Variants in ALDH1A2 observed in about 807,000 individuals in gnomAD.
ALDH1A2 encodes retinal dehydrogenase 2.
In ALDH1A2, 27 loss-of-function variants were observed where a neutral mutation model predicts 60.3. The ratio of observed to expected loss-of-function variants is 0.45; its 90% confidence interval spans 0.33 to 0.62. The LOEUF (loss-of-function observed/expected upper bound fraction) is 0.62. Among genes scored for constraint, ALDH1A2 ranks in the 20% least tolerant of loss-of-function variants. ALDH1A2 has a pLI of 0.02. For missense variants in ALDH1A2, 581 were observed against 643.8 expected, an observed-to-expected ratio of 0.90 and a Z score of 1.06; for synonymous variants, 289 against 232.4, an observed-to-expected ratio of 1.24 and a Z score of -2.21.
At position 57,989,617 on chromosome 15, in the gene ALDH1A2, C is replaced by G. The variant is rs374585339; in HGVS notation, c.798+3088G>C. On this transcript the variant is annotated intron_variant, in intron 7 of 12. Coordinates refer to ENST00000249750, the MANE Select transcript of ALDH1A2 (RefSeq NM_003888.4). Reference sequence around the variant, plus strand: ...GTATAGTTTGGTGCAAAAGTCATTGCAGTTTTTGCCATTAATCAAATTACT... The same window carrying G: ...GTATAGTTTGGTGCAAAAGTCATTGGAGTTTTTGCCATTAATCAAATTACT... Among the ~76,000 whole-genome samples the G allele has an allele frequency of 2.7e-4, 41 of 152,086 alleles. No homozygotes were observed. In the East Asian group the frequency reaches 2.9e-3, roughly 11 times the overall value.
chr15:57,972,643 C>A (rs1482574126), intron 7 of ALDH1A2, among the ~76,000 whole-genome samples: 1 of 152,040 alleles, frequency 6.6e-6, no homozygotes, highest in African/African-American at 2.4e-5. Flanking sequence ...AGAGACTATA[C>A]CATACTTATT....
chr15:58,038,058 T>C (rs1163690485), intron 1 of ALDH1A2, among the ~76,000 whole-genome samples: 1 of 151,694 alleles, frequency 6.6e-6, no homozygotes, highest in Non-Finnish European at 1.5e-5. Flanking sequence ...TCTACATCTC[T>C]GAAATCATGG....
intron 1 of ALDH1A2, among the ~76,000 whole-genome samples, chr15:58,047,659 A>C (rs1896668419): frequency 6.6e-6 from 1 of 152,024 alleles, no homozygotes; most frequent in Admixed American, 6.6e-5. Context: ...TTTACTTCTA[A>C]TTAAGAGTCT....
At chr15:58,015,008 T>C (rs2140520150) in intron 1 of ALDH1A2, among the ~76,000 whole-genome samples, 1 of 152,290 alleles carries the variant, frequency 6.6e-6, no homozygotes, top group African/African-American at 2.4e-5. Context: ...TCAAGTCAAT[T>C]TCTCACAAGA....
At chr15:58,000,191 C>A (rs1009462612) in intron 4 of ALDH1A2, among the ~76,000 whole-genome samples, 4 of 151,858 alleles carry the variant, frequency 2.6e-5, no homozygotes, top group Admixed American at 1.3e-4. Context: ...CACAGGTAAT[C>A]CAGAACTAAA....
At chr15:57,965,694 G>A in intron 8 of ALDH1A2, 31 bp downstream of exon 8, 1 of 1,473,730 alleles carries the variant, frequency 6.8e-7, no homozygotes, top group Non-Finnish European at 9.5e-7. Context: ...GGTGTGTGGT[G>A]GTTCATGTAT....
intron 1 of ALDH1A2, among the ~76,000 whole-genome samples, chr15:58,030,935 T>C (rs945252532): frequency 1.3e-5 from 2 of 152,056 alleles, no homozygotes; most frequent in Admixed American, 6.5e-5. Context: ...AGAATCAATA[T>C]TGTAAAAATG....
At chr15:58,004,879 C>T (rs1895399698) in intron 4 of ALDH1A2, among the ~76,000 whole-genome samples, 1 of 150,780 alleles carries the variant, frequency 6.6e-6, no homozygotes, top group African/African-American at 2.4e-5. Context: ...TGAAAAAAAT[C>T]ACCGATGACA....
intron 1 of ALDH1A2, among the ~76,000 whole-genome samples, chr15:58,041,769 C>A (rs1247407855): frequency 6.6e-6 from 1 of 151,908 alleles, no homozygotes; most frequent in Non-Finnish European, 1.5e-5. Context: ...CCAAAACTCC[C>A]AGTGGATGCC....
intron 7 of ALDH1A2, among the ~76,000 whole-genome samples, chr15:57,984,179 A>C (rs370593281): frequency 1.4e-4 from 21 of 152,316 alleles, no homozygotes; most frequent in Admixed American, 9.8e-4. Flanking sequence ...ACTAACTAGC[A>C]TGTAACCCTG....
chr15:58,003,106 A>G (rs1265428371), intron 4 of ALDH1A2, among the ~76,000 whole-genome samples: 1 of 151,850 alleles, frequency 6.6e-6, no homozygotes, highest in African/African-American at 2.4e-5. Flanking sequence ...TGATCGTAAC[A>G]AAAGTTAGTT....
At chr15:58,023,867 G>C (rs111762554) in intron 1 of ALDH1A2, among the ~76,000 whole-genome samples, 2,535 of 152,208 alleles carry the variant, frequency 0.017, 77 homozygotes, top group African/African-American at 0.058. Context: ...CGAGGTGGGT[G>C]GAGCACCTGA....
Position 57,964,089 on chromosome 15 carries a change from T to A in ALDH1A2, c.902-20A>T. 1 of 1,613,688 alleles carries A rather than the reference T, an allele frequency of 6.2e-7. No homozygotes were observed. The highest frequency in any genetic ancestry group is 8.5e-7 in the Non-Finnish European group (1 of 1,179,952). On this transcript the variant is annotated intron_variant, in intron 8 of 12. Transcript: ENST00000249750. ...AGTCCACTACAAGAGGAAACAGCCA[T>A]GTTCTCACCGCTTTGCCTGGGGAGG...
At chr15:58,029,028 CTCAG>C (rs1164671132) in intron 1 of ALDH1A2, among the ~76,000 whole-genome samples, 6 of 152,164 alleles carry the variant, frequency 3.9e-5, no homozygotes, top group African/African-American at 1.4e-4. Flanking sequence ...AGGACTTGAA[CTCAG>C]CACTGAACCA....
Position 57,993,090 on chromosome 15 carries a change from C to A in ALDH1A2, c.556-17G>T, listed in dbSNP as rs1566941392. The A allele has an allele frequency of 5.6e-6, 9 of 1,610,962 alleles. No individual in the cohort carries two copies. The highest frequency in any genetic ancestry group is 7.6e-6 in the Non-Finnish European group (9 of 1,179,804). On this transcript the variant is annotated splice_polypyrimidine_tract_variant and intron_variant, in intron 5 of 12. Coordinates refer to ENST00000249750, the MANE Select transcript of ALDH1A2 (RefSeq NM_003888.4). Reference sequence around the variant, plus strand: ...GAAGTTCCACTGAAAGGAAAAAACTCAAAGTTGATAGATGGAAAAACATTC... The same window carrying A: ...GAAGTTCCACTGAAAGGAAAAAACTAAAAGTTGATAGATGGAAAAACATTC...
chr15:58,062,252 G>A (rs1178347858), intron 1 of ALDH1A2, among the ~76,000 whole-genome samples: 2 of 152,010 alleles, frequency 1.3e-5, no homozygotes, highest in East Asian at 1.9e-4. Flanking sequence ...GTTAGTTATG[G>A]GCATAAACTC....
intron 1 of ALDH1A2, among the ~76,000 whole-genome samples, chr15:58,056,986 A>T (rs1285823452): frequency 6.6e-6 from 1 of 152,154 alleles, no homozygotes; most frequent in South Asian, 2.1e-4. Flanking sequence ...GGAAACTAGT[A>T]TAACTATGTT....
chr15:58,024,797 AAAAT>A (rs1386936567), intron 1 of ALDH1A2, among the ~76,000 whole-genome samples: 1 of 152,202 alleles, frequency 6.6e-6, no homozygotes, highest in Non-Finnish European at 1.5e-5. Context: ...GTTGGACCAC[AAAAT>A]AAATCTCAGC....
chr15:58,009,844 G>A (rs992882786), intron 4 of ALDH1A2, among the ~76,000 whole-genome samples: 1 of 152,078 alleles, frequency 6.6e-6, no homozygotes, highest in Admixed American at 6.6e-5. Flanking sequence ...GTTTGTAACA[G>A]TGCCTTTCTC....
Sources: allele counts gnomAD v4.1 joint callset (sites outside exome capture counted in the v4.1 genomes callset), GRCh38; gene constraint gnomAD v4.1.1; transcripts MANE v1.5; gene names NCBI Gene and HGNC (gene_info 2026-07-23, HGNC 2026-07-21).